Variants in MED12L observed in about 807,000 individuals in gnomAD.
MED12L encodes mediator of RNA polymerase II transcription subunit 12-like protein.
In MED12L, 60 loss-of-function variants were observed where a neutral mutation model predicts 281.3. The ratio of observed to expected loss-of-function variants is 0.21; its 90% CI spans 0.17 to 0.26. The LOEUF is 0.26. Ranked by LOEUF, MED12L falls within the 10% of genes least tolerant of loss-of-function variation. MED12L has a pLI of 1.00. For synonymous variants in MED12L, 974 were observed against 987.2 expected, an observed-to-expected ratio of 0.99 and a Z score of 0.25; for missense variants, 2,146 against 2,680.9, an observed-to-expected ratio of 0.80 and a Z score of 4.41.
chr3:151,190,353 G>A (rs1723810767), intron 13 of MED12L, among the ~76,000 whole-genome samples: 1 of 151,912 alleles, frequency 6.6e-6, no homozygotes, highest in East Asian at 1.9e-4. Context: ...TGTATTTTTG[G>A]TAGAGACGGG....
At chr3:151,291,318 C>T (rs905936478) in intron 16 of MED12L, among the ~76,000 whole-genome samples, 2 of 152,024 alleles carry the variant, frequency 1.3e-5, no homozygotes, top group African/African-American at 4.8e-5. Context: ...GCACCACATT[C>T]TCTTGAAACG....
intron 5 of MED12L, among the ~76,000 whole-genome samples, chr3:151,150,467 C>G (rs1328614061): frequency 6.6e-6 from 1 of 152,100 alleles, no homozygotes; most frequent in Non-Finnish European, 1.5e-5. Flanking sequence ...TTACAGAGAA[C>G]AGACGGACTA....
intron 9 of MED12L, 121 bp from the exon 10 acceptor site, chr3:151,165,299 C>A (rs2148978433): frequency 2.0e-6 from 1 of 508,092 alleles, no homozygotes; most frequent in Non-Finnish European, 3.4e-6. Context: ...GCATTTCTTA[C>A]AATGCAGTCA....
At chr3:151,165,786 C>G in intron 10 of MED12L, 60 bp from the exon 11 acceptor site, 1 of 1,510,396 alleles carries the variant, frequency 6.6e-7, no homozygotes, top group Non-Finnish European at 9.0e-7. Context: ...TGATTTTGTA[C>G]TGTGTTATAA....
intron 16 of MED12L, among the ~76,000 whole-genome samples, chr3:151,223,805 G>A (rs563920325): frequency 6.6e-5 from 10 of 152,114 alleles, no homozygotes; most frequent in African/African-American, 2.2e-4. Flanking sequence ...ATATACCCAA[G>A]TAACAAACTT....
chr3:151,353,950 G>T (rs1248716808), intron 17 of MED12L, among the ~76,000 whole-genome samples: 2 of 151,512 alleles, frequency 1.3e-5, no homozygotes, highest in Non-Finnish European at 2.9e-5. Flanking sequence ...GACCATCCCG[G>T]CTAACACGGT....
At chr3:151,229,962 T>TTTTTTTG (rs1731308115) in intron 16 of MED12L, among the ~76,000 whole-genome samples, 1 of 151,886 alleles carries the variant, frequency 6.6e-6, no homozygotes, top group Admixed American at 6.6e-5. Flanking sequence ...TTGGGATCTG[T>TTTTTTTG]TTTTTTGTTT....
In MED12L at chr3:151,201,223, A is replaced by ACT. The variant is rs58729370; in HGVS notation, c.2250+7579_2250+7580dup. Among the ~76,000 whole-genome samples the ACT allele has an allele frequency of 6.9e-3, 1,020 of 147,962 alleles. 5 individuals carry two copies. The highest frequency in any genetic ancestry group is 8.9e-3 in the Non-Finnish European group (593 of 66,504). ...TCTATGCATACAACCACGTGCACAC[A>ACT]CTCTCTCTCTCTCTCTCTCTCTCAC... On this transcript the variant is annotated intron_variant, in intron 16 of 44. Transcript: ENST00000687756.
intron 16 of MED12L, chr3:151,198,825 A>G: frequency 6.2e-7 from 1 of 1,613,536 alleles, no homozygotes. Flanking sequence ...AAATTTAAAA[A>G]TATTGCTACA....
In MED12L at chr3:151,163,969, C is replaced by T. The variant is rs1377899644; in HGVS notation, c.1184C>T (p.Ser395Leu). Residue 395 changes from serine (S) to leucine (L), a missense_variant, in exon 9 of 45, where the codon TCA becomes TTA. Transcript: ENST00000687756. ...TNENKSANPG[S>L]PLDLLQVAPS... ...GAAAATAAGAGCGCAAACCCAGGCT[C>T]ACCCCTGGATCTGCTGCAGGTGGCC... The T allele has an allele frequency of 1.2e-6, 2 of 1,613,718 alleles. No individual in the cohort carries two copies. The highest frequency in any genetic ancestry group is 8.5e-7 in the Non-Finnish European group (1 of 1,179,832).
chr3:151,254,330 A>G (rs1384645666), intron 16 of MED12L, among the ~76,000 whole-genome samples: 1 of 152,088 alleles, frequency 6.6e-6, no homozygotes, highest in Non-Finnish European at 1.5e-5. Context: ...ACGTAACTAG[A>G]GCTATATGAG....
rs1177403035 is a variant in MED12L, at chr3:151,141,184, TTTG to T, written c.556+13203_556+13205del. 1.3e-3 allele frequency among the ~76,000 whole-genome samples: 133 copies of T among 105,142 alleles called. 3 individuals carry two copies. Among genetic ancestry groups the T allele is most frequent in the African/African-American group, 5.6e-3 (106 of 18,862 alleles). 69.0% of individuals were successfully genotyped at this position (105,142 alleles called of 152,430 possible). ...GCCTGGCGTTTTTTTTTTTGTTTTT[TTTG>T]TTTTTTTTTTTTTGTTAGTAGAGAC... On this transcript the variant is annotated intron_variant, in intron 5 of 44. Transcript: ENST00000687756.
At chr3:151,348,340 C>CAAA (rs11382065) in intron 16 of MED12L, among the ~76,000 whole-genome samples, 45 of 87,806 alleles carry the variant, frequency 5.1e-4, no homozygotes, top group East Asian at 9.6e-4. Context: ...ACCACCAGAC[C>CAAA]AAAAAAAAAA....
At chr3:151,168,758 T>C (rs1182496325) in intron 11 of MED12L, among the ~76,000 whole-genome samples, 1 of 152,188 alleles carries the variant, frequency 6.6e-6, no homozygotes, top group Non-Finnish European at 1.5e-5. Flanking sequence ...CAGGCTAGAG[T>C]GCAGTGGTAC....
chr3:151,282,555 A>C (rs1281583828), intron 16 of MED12L, among the ~76,000 whole-genome samples: 2 of 152,178 alleles, frequency 1.3e-5, no homozygotes, highest in Admixed American at 6.5e-5. Flanking sequence ...AGGATATTTA[A>C]AGGAAGCATA....
chr3:151,101,430 G>T (rs914152108), intron 2 of MED12L, among the ~76,000 whole-genome samples: 4 of 152,168 alleles, frequency 2.6e-5, no homozygotes, highest in Non-Finnish European at 5.9e-5. Flanking sequence ...GGGTCATTGA[G>T]TGGCATAGTG....
intron 2 of MED12L, among the ~76,000 whole-genome samples, chr3:151,105,344 C>T (rs2040375502): frequency 6.6e-6 from 1 of 152,170 alleles, no homozygotes; most frequent in Non-Finnish European, 1.5e-5. Flanking sequence ...TCCTTTTTCT[C>T]CAGACTTCCA....
At chr3:151,093,275 G>T (rs1256819130) in intron 2 of MED12L, among the ~76,000 whole-genome samples, 3 of 152,184 alleles carry the variant, frequency 2.0e-5, no homozygotes, top group Admixed American at 6.5e-5. Flanking sequence ...TTGCACTCCA[G>T]CTTGGGCTAT....
At chr3:151,341,512 G>A (rs1028690858) in intron 16 of MED12L, among the ~76,000 whole-genome samples, 5 of 151,008 alleles carry the variant, frequency 3.3e-5, no homozygotes. Context: ...AAACCAGAAG[G>A]GCAAAAAATA....
Sources: allele counts gnomAD v4.1 joint callset (sites outside exome capture counted in the v4.1 genomes callset), GRCh38; gene constraint gnomAD v4.1.1; transcripts MANE v1.5; gene names NCBI Gene and HGNC (gene_info 2026-07-23, HGNC 2026-07-21).